SCN3A: variants seen among roughly 807,000 people sequenced by gnomAD.
SCN3A encodes sodium voltage-gated channel alpha subunit 3.
Under a neutral mutation model 187.6 loss-of-function variants are expected in SCN3A, and 60 were observed. The ratio of observed to expected loss-of-function variants is 0.32; its 90% CI spans 0.26 to 0.40. The LOEUF is 0.40. Among genes scored for constraint, SCN3A ranks in the 10% least tolerant of loss-of-function variants. The pLI is 1.00. For missense variants in SCN3A, 1,601 were observed against 2,428.2 expected, an observed-to-expected ratio of 0.66 and a Z score of 7.16; for synonymous variants, 788 against 829.2, an observed-to-expected ratio of 0.95 and a Z score of 0.85.
intron 13 of SCN3A, chr2:165,139,857 T>C (rs1687898413): frequency 2.1e-6 from 1 of 478,840 alleles, no homozygotes; most frequent in African/African-American, 2.0e-5. Flanking sequence ...ACAGAACTAT[T>C]TTAATTAACC....
intron 9 of SCN3A, among the ~76,000 whole-genome samples, chr2:165,156,842 G>T (rs113484538): frequency 3.3e-5 from 5 of 151,920 alleles, no homozygotes; most frequent in Non-Finnish European, 7.4e-5. Context: ...GCGAGCCACC[G>T]CACCCAGCCT....
chr2:165,158,521 A>G (rs1223528216), intron 9 of SCN3A, among the ~76,000 whole-genome samples: 1 of 136,628 alleles, frequency 7.3e-6, no homozygotes, highest in Non-Finnish European at 1.5e-5. Context: ...CTTAGAGAAC[A>G]GGTTCTCACC....
intron 26 of SCN3A, 108 bp downstream of exon 26, chr2:165,094,266 G>A (rs1019703896): frequency 1.2e-6 from 1 of 841,126 alleles, no homozygotes; most frequent in African/African-American, 1.7e-5. Context: ...TTATAATTAG[G>A]GCTCAATATT....
At chr2:165,114,002 T>C (rs1338724671) in intron 19 of SCN3A, 32 bp from the exon 20 acceptor site, 4 of 1,373,014 alleles carry the variant, frequency 2.9e-6, no homozygotes, top group Non-Finnish European at 4.0e-6. Flanking sequence ...TTAAAAAATA[T>C]ATTTTAATCT....
chr2:165,117,697 A>G (rs1395601812), intron 18 of SCN3A, among the ~76,000 whole-genome samples: 2 of 152,134 alleles, frequency 1.3e-5, no homozygotes, highest in Admixed American at 1.3e-4. Context: ...ATTTTGATAT[A>G]TAAGTCAAGT....
At position 165,182,026 on chromosome 2, in the gene SCN3A, G is replaced by A. The variant is rs574170944; in HGVS notation, c.-51+4525C>T. 1.1e-4 allele frequency among the ~76,000 whole-genome samples: 16 copies of A among 152,280 alleles called. No homozygotes were observed. The East Asian group carries it at 3.1e-3, about 29-fold the overall frequency. On this transcript the variant is annotated intron_variant, in intron 2 of 27. Coordinates refer to ENST00000283254, the MANE Select transcript of SCN3A (RefSeq NM_006922.4). ...ACTATGCCTATAGTTTGATGCTACT[G>A]CATTGATTCCTGCTAAAGCATTAGC... is the stretch of plus-strand genomic sequence containing the variant.
At chr2:165,093,366 A>ATCTG (rs2105631377) in intron 26 of SCN3A, 1 of 152,170 alleles carries the variant, frequency 6.6e-6, no homozygotes, top group East Asian at 1.9e-4. Context: ...ATTTCTTTCC[A>ATCTG]TCTGTCCTTC....
chr2:165,092,667 T>C lies in SCN3A; in HGVS notation c.4537-143A>G. Reference sequence around the variant, plus strand: ...CCCCAAACAATTTTGTGTGCTTTTTTTCTCTTCATGTTAAAAAAAATGGAA... The same window carrying C: ...CCCCAAACAATTTTGTGTGCTTTTTCTCTCTTCATGTTAAAAAAAATGGAA... On this transcript the variant is annotated intron_variant, in intron 26 of 27. Coordinates refer to ENST00000283254, the MANE Select transcript of SCN3A (RefSeq NM_006922.4). The surrounding 1 kb of genome is among the most constrained non-coding windows in gnomAD (Gnocchi z 4.2). 1 of 775,692 alleles carries C rather than the reference T, an allele frequency of 1.3e-6. No homozygotes were observed. The highest frequency in any genetic ancestry group is 2.0e-6 in the Non-Finnish European group (1 of 489,470). 48.1% of individuals were successfully genotyped at this position (775,692 alleles called of 1,614,324 possible).
chr2:165,182,995 A>G (rs1690986819), intron 2 of SCN3A, among the ~76,000 whole-genome samples: 1 of 151,956 alleles, frequency 6.6e-6, no homozygotes, highest in South Asian at 2.1e-4. Context: ...AAAAAGAAAG[A>G]AAAGAGCAGT....
chr2:165,164,829 A>G lies in SCN3A; in HGVS notation c.474-309T>C, dbSNP rs141545552. Among the ~76,000 whole-genome samples the G allele has an allele frequency of 9.8e-5, 15 of 152,326 alleles. No individual in the cohort carries two copies. In the East Asian group the frequency reaches 2.7e-3, roughly 27 times the overall value. ...TTCTAGCGCAGCAGTATCTGATAGAAATGTAATGGAAGCCACAAATGTAAT... is the reference window on the plus strand; with the variant it reads ...TTCTAGCGCAGCAGTATCTGATAGAGATGTAATGGAAGCCACAAATGTAAT... On this transcript the variant is annotated intron_variant, in intron 5 of 27. Coordinates refer to ENST00000283254, the MANE Select transcript of SCN3A (RefSeq NM_006922.4).
chr2:165,138,165 G>A (rs370610713), intron 14 of SCN3A, 48 bp from the exon 15 acceptor site: 5 of 1,318,746 alleles, frequency 3.8e-6, no homozygotes, highest in Middle Eastern at 1.8e-4. Flanking sequence ...ACAAAAATGA[G>A]TTATTATTGC....
At position 165,168,362 on chromosome 2, in the gene SCN3A, A is replaced by G. The variant is rs959699472; in HGVS notation, c.473+374T>C. On this transcript the variant is annotated intron_variant, in intron 5 of 27. Coordinates refer to ENST00000283254, the MANE Select transcript of SCN3A (RefSeq NM_006922.4). ...AAAAACCTAAATCTATTCTATTCGAATATAACAATAATCACTATATACTGG... is the reference window on the plus strand; with the variant it reads ...AAAAACCTAAATCTATTCTATTCGAGTATAACAATAATCACTATATACTGG... Among the ~76,000 whole-genome samples, 3 of 152,182 alleles carry G rather than the reference A, an allele frequency of 2.0e-5. No individual in the cohort carries two copies. The East Asian group carries it at 5.8e-4, about 29-fold the overall frequency.
rs77375817 is a variant in SCN3A at position 165,126,745 on chromosome 2, G to T, written c.3393+886C>A. 7.1e-3 allele frequency among the ~76,000 whole-genome samples: 1,057 copies of T among 149,844 alleles called. 9 individuals are homozygous for T. The highest frequency in any genetic ancestry group is 0.023 in the African/African-American group (936 of 40,692). Reference sequence around the variant, plus strand: ...TTTATTAACCTACAAAATAACTATAGCCCTCAAGTGAAGCTTTTAAAAGTA... The same window carrying T: ...TTTATTAACCTACAAAATAACTATATCCCTCAAGTGAAGCTTTTAAAAGTA... On this transcript the variant is annotated intron_variant, in intron 18 of 27. Coordinates refer to ENST00000283254, the MANE Select transcript of SCN3A (RefSeq NM_006922.4).
In SCN3A at chr2:165,164,517, G is replaced by A; in HGVS notation, c.477C>T (p.Tyr159=). 3 of 1,613,514 alleles carry A rather than the reference G, an allele frequency of 1.9e-6. No homozygotes were observed. The highest frequency in any genetic ancestry group is 1.1e-5 in the South Asian group (1 of 91,060). ...CAAAGGTATAGATTCCAGTGAATGT[G>A]TACCTAGGAAAAACATCCAAGCCAA... The part of the protein sequence containing the change: ...NPPDWTKNVE[Y]TFTGIYTFES... Residue 159 remains tyrosine, a synonymous_variant, in exon 6 of 28, where the codon TAC becomes TAT. Transcript: ENST00000283254.
intron 1 of SCN3A, among the ~76,000 whole-genome samples, chr2:165,201,197 G>GGGCA: frequency 6.6e-6 from 1 of 152,042 alleles, no homozygotes; most frequent in Admixed American, 6.6e-5. Context: ...ATAAATAACT[G>GGGCA]TCTTCTGGAA....
rs1685135623 is a variant in SCN3A, at chr2:165,092,160, A to G, written c.4807+94T>C. The stretch of plus-strand genomic sequence containing the variant: ...GAACTTTACATCTATATGCATTATT[A>G]TTCTCAGACCTAATTTCCATGTTAA... On this transcript the variant is annotated intron_variant, in intron 27 of 27. Coordinates refer to ENST00000283254, the MANE Select transcript of SCN3A (RefSeq NM_006922.4). The surrounding 1 kb of genome is among the most constrained non-coding windows in gnomAD (Gnocchi z 4.2). 4.9e-6 allele frequency: 6 copies of G among 1,223,822 alleles called. No individual in the cohort carries two copies. Among genetic ancestry groups the G allele is most frequent in the Non-Finnish European group, 4.8e-6 (4 of 827,766 alleles). 75.8% of individuals were successfully genotyped at this position (1,223,822 alleles called of 1,614,324 possible).
intron 15 of SCN3A, among the ~76,000 whole-genome samples, chr2:165,135,875 G>A (rs967802450): frequency 1.3e-5 from 2 of 151,928 alleles, no homozygotes; most frequent in Admixed American, 1.3e-4. Context: ...CTCTATCTTG[G>A]CAAGTTTTGT....
chr2:165,199,128 G>A (rs559915356), intron 1 of SCN3A, among the ~76,000 whole-genome samples: 1 of 152,054 alleles, frequency 6.6e-6, no homozygotes, highest in African/African-American at 2.4e-5. Context: ...CTGAAAATCA[G>A]GAGATTAAAA....
At position 165,133,697 on chromosome 2, in the gene SCN3A, G is replaced by C. The variant is rs376620272; in HGVS notation, c.2392-2280C>G. Among the ~76,000 whole-genome samples the C allele has an allele frequency of 4.0e-5, 6 of 151,190 alleles. No homozygotes were observed. In the East Asian group the frequency reaches 7.8e-4, roughly 20 times the overall value. On this transcript the variant is annotated intron_variant, in intron 15 of 27. Coordinates refer to ENST00000283254, the MANE Select transcript of SCN3A (RefSeq NM_006922.4). ...AGGAGAGTATTTTATTAAGTAGAGT[G>C]GTATTATTTAATGAATCTTCTGGAT... is the stretch of plus-strand genomic sequence containing the variant.
Sources: gnomAD v4.1 joint callset for allele counts (sites outside exome capture counted in the v4.1 genomes callset) on GRCh38, gnomAD v4.1.1 for gene constraint, Gnocchi (gnomAD v3.1) non-coding constraint, MANE v1.5 for transcripts, NCBI Gene and HGNC (gene_info 2026-07-23, HGNC 2026-07-21) for gene names.